Variants in TRHDE observed in about 807,000 individuals in gnomAD.
The protein encoded by TRHDE is thyrotropin releasing hormone degrading enzyme.
A neutral mutation model predicts 125.7 loss-of-function variants in TRHDE; 72 were observed. The ratio of observed to expected loss-of-function variants is 0.57; its 90% CI spans 0.47 to 0.70. The LOEUF (loss-of-function observed/expected upper bound fraction) is 0.70. Among genes scored for constraint, TRHDE ranks in the 30% least tolerant of loss-of-function variants. The pLI, the probability that TRHDE is intolerant of heterozygous loss-of-function variation, is 0.00. For synonymous variants in TRHDE, 509 were observed against 509.1 expected (o/e 1.00, Z 0.00); for missense variants, 1,110 against 1,327.1 (o/e 0.84, Z 2.54).
In TRHDE at chr12:72,286,680, G is replaced by A; in HGVS notation, c.915-1G>A. ...TGAGAATGTCATTTTCTTTTTTCCA[G>A]ATTCCTTGGTGTTACTCAGTTTTCG... is the stretch of plus-strand genomic sequence containing the variant. On this transcript the variant is annotated splice_acceptor_variant, in intron 1 of 18. Transcript: ENST00000261180. LOFTEE classifies it high-confidence loss of function. 6.2e-7 allele frequency: 1 copy of A among 1,608,234 alleles called. No individual in the cohort carries two copies. The highest frequency in any genetic ancestry group is 8.5e-7 in the Non-Finnish European group (1 of 1,177,458).
chr12:72,353,415 G>T (rs766933573), intron 2 of TRHDE, among the ~76,000 whole-genome samples: 1 of 151,482 alleles, frequency 6.6e-6, no homozygotes, highest in Non-Finnish European at 1.5e-5. Context: ...TATAGAAGAG[G>T]CTATTTGAAT....
chr12:72,304,725 A>T (rs906599306), intron 2 of TRHDE, among the ~76,000 whole-genome samples: 50 of 152,108 alleles, frequency 3.3e-4, no homozygotes, highest in Non-Finnish European at 4.1e-4. Flanking sequence ...CTCATCTGAA[A>T]TTTTTTCTAG....
chr12:72,214,473 T>C (rs891988887), intron 2 of TRHDE, among the ~76,000 whole-genome samples: 2 of 152,204 alleles, frequency 1.3e-5, no homozygotes, highest in Non-Finnish European at 2.9e-5. Flanking sequence ...TTATTGCTTT[T>C]TTCTGAGGTC....
intron 2 of TRHDE, among the ~76,000 whole-genome samples, chr12:72,227,202 C>T (rs1878146072): frequency 1.3e-5 from 2 of 152,084 alleles, no homozygotes; most frequent in Non-Finnish European, 2.9e-5. Context: ...TTAGTCTTTT[C>T]TCATGCTGCT....
chr12:72,522,614 T>A (rs1868268383), intron 6 of TRHDE, among the ~76,000 whole-genome samples: 1 of 152,206 alleles, frequency 6.6e-6, no homozygotes, highest in South Asian at 2.1e-4. Context: ...TGAAGCAATA[T>A]CATACTTTAT....
At chr12:72,452,740 T>C (rs1262111766) in intron 3 of TRHDE, among the ~76,000 whole-genome samples, 2 of 152,056 alleles carry the variant, frequency 1.3e-5, no homozygotes, top group African/African-American at 4.8e-5. Context: ...GTTCTCACAA[T>C]AGTGAGTTCC....
At chr12:72,596,840 A>C (rs1871961763) in intron 12 of TRHDE, among the ~76,000 whole-genome samples, 1 of 152,240 alleles carries the variant, frequency 6.6e-6, no homozygotes, top group African/African-American at 2.4e-5. Context: ...AGAAGGAGGA[A>C]AACATTTTAA....
intron 6 of TRHDE, among the ~76,000 whole-genome samples, chr12:72,521,322 A>C (rs1278780924): frequency 1.3e-5 from 2 of 152,084 alleles, no homozygotes; most frequent in Admixed American, 6.6e-5. Context: ...ATTTTACCCT[A>C]TTTAGTATTT....
In TRHDE at chr12:72,590,517, G is replaced by T. The variant is rs180955212; in HGVS notation, c.2321+14975G>T. Among the ~76,000 whole-genome samples the T allele has an allele frequency of 1.6e-4, 24 of 151,968 alleles. No individual in the cohort carries two copies. The East Asian group carries it at 3.9e-3, about 24-fold the overall frequency. ...TGCTTTATATATTTTTGTTAATGGG[G>T]TCACATACACATTTCTGTTTATCTC... On this transcript the variant is annotated intron_variant, in intron 12 of 18. Transcript: ENST00000261180.
At chr12:72,171,670 C>T (rs1876877363) in intron 2 of TRHDE, among the ~76,000 whole-genome samples, 1 of 152,172 alleles carries the variant, frequency 6.6e-6, no homozygotes, top group Admixed American at 6.5e-5. Context: ...ATACTTTTCT[C>T]ATGCTGCAGA....
intron 2 of TRHDE, among the ~76,000 whole-genome samples, chr12:72,334,667 G>A (rs1869751555): frequency 6.6e-6 from 1 of 152,166 alleles, no homozygotes. Flanking sequence ...CCTGACCATA[G>A]CTCTAGAACT....
At chr12:72,428,916 A>G (rs1428478445) in intron 3 of TRHDE, among the ~76,000 whole-genome samples, 1 of 152,126 alleles carries the variant, frequency 6.6e-6, no homozygotes, top group Non-Finnish European at 1.5e-5. Context: ...TTCATGTGCC[A>G]CATGAATCAG....
At chr12:72,562,806 G>T in intron 8 of TRHDE, 47 bp from the exon 9 acceptor site, 1 of 1,231,828 alleles carries the variant, frequency 8.1e-7, no homozygotes, top group Non-Finnish European at 1.1e-6. Context: ...TAATAATGTT[G>T]ATAATTCATG....
At chr12:72,255,899 T>A (rs1257209718) in intron 2 of TRHDE, 1 of 152,224 alleles carries the variant, frequency 6.6e-6, no homozygotes, top group Admixed American at 6.5e-5. Flanking sequence ...CCTTGAGGTT[T>A]CTTACCTACA....
chr12:72,203,021 T>C (rs1877590913), intron 2 of TRHDE, among the ~76,000 whole-genome samples: 1 of 152,176 alleles, frequency 6.6e-6, no homozygotes, highest in Non-Finnish European at 1.5e-5. Flanking sequence ...CAAGTTTTCA[T>C]AGTTCCAATC....
At chr12:72,095,260 C>T (rs549303577) in intron 1 of TRHDE, among the ~76,000 whole-genome samples, 8 of 152,304 alleles carry the variant, frequency 5.3e-5, no homozygotes, top group Middle Eastern at 3.4e-3. Flanking sequence ...TTGCCATTCT[C>T]AGCAGCACAT....
At chr12:72,592,772 G>A (rs1388933814) in intron 12 of TRHDE, among the ~76,000 whole-genome samples, 1 of 150,988 alleles carries the variant, frequency 6.6e-6, no homozygotes, top group Non-Finnish European at 1.5e-5. Flanking sequence ...GTGCAGTGGT[G>A]CGATCTCGGC....
chr12:72,561,365 A>C (rs1352151956), intron 7 of TRHDE, among the ~76,000 whole-genome samples: 1 of 152,192 alleles, frequency 6.6e-6, no homozygotes, highest in Admixed American at 6.5e-5. Context: ...CAAATGAACG[A>C]GGAGGGACTT....
chr12:72,301,106 T>G (rs1364865579), intron 2 of TRHDE, among the ~76,000 whole-genome samples: 24 of 152,082 alleles, frequency 1.6e-4, no homozygotes, highest in Admixed American at 1.6e-3. Flanking sequence ...GAGAGAAAAA[T>G]GAAGAAATAC....
Sources: allele counts gnomAD v4.1 joint callset (sites outside exome capture counted in the v4.1 genomes callset), GRCh38; gene constraint gnomAD v4.1.1; transcripts MANE v1.5; gene names NCBI Gene and HGNC (gene_info 2026-07-23, HGNC 2026-07-21).